The following NLGN1 variants were observed in gnomAD, a reference collection of about 807,000 sequenced individuals.
The protein encoded by NLGN1 is neuroligin-1.
A neutral mutation model predicts 65.5 loss-of-function variants in NLGN1; 12 were observed. The observed-to-expected ratio is 0.18, with a 90% CI of 0.12 to 0.30. The LOEUF is 0.30. NLGN1 is among the 10% of genes least tolerant of loss of function. NLGN1 has a pLI of 1.00. For missense variants in NLGN1, 750 were observed against 1,007.1 expected (o/e 0.74, Z 3.46); for synonymous variants, 350 against 359.5 (o/e 0.97, Z 0.30).
intron 4 of NLGN1, among the ~76,000 whole-genome samples, chr3:173,956,487 G>GA (rs1167024887): frequency 3.3e-5 from 5 of 151,942 alleles, no homozygotes; most frequent in Non-Finnish European, 1.5e-5. Context: ...TTGCTATCAT[G>GA]AAAAATAAAA....
intron 3 of NLGN1, among the ~76,000 whole-genome samples, chr3:173,684,042 A>G (rs1764341906): frequency 6.6e-6 from 1 of 152,126 alleles, no homozygotes; most frequent in African/African-American, 2.4e-5. Context: ...AACTGTGTAA[A>G]CAGTTCACAG....
intron 2 of NLGN1, among the ~76,000 whole-genome samples, chr3:173,550,343 G>A (rs1289155373): frequency 4.6e-5 from 7 of 151,944 alleles, no homozygotes; most frequent in African/African-American, 9.7e-5. Context: ...GATGAATAGC[G>A]TGTTTCGGCA....
chr3:173,833,556 C>G (rs188722328), intron 4 of NLGN1, among the ~76,000 whole-genome samples: 1 of 152,018 alleles, frequency 6.6e-6, no homozygotes, highest in Admixed American at 6.6e-5. Flanking sequence ...TTCCCACTTT[C>G]TTGTCCAGGC....
intron 4 of NLGN1, among the ~76,000 whole-genome samples, chr3:174,131,430 T>C: frequency 6.6e-6 from 1 of 152,162 alleles, no homozygotes; most frequent in East Asian, 1.9e-4. Context: ...TTGTGGATGA[T>C]GAGAAGCCCA....
At chr3:173,525,761 C>G (rs1162599173) in intron 2 of NLGN1, among the ~76,000 whole-genome samples, 1 of 152,014 alleles carries the variant, frequency 6.6e-6, no homozygotes, top group Non-Finnish European at 1.5e-5. Flanking sequence ...CTTATCACTG[C>G]TTTTGCTGTA....
intron 2 of NLGN1, among the ~76,000 whole-genome samples, chr3:173,534,010 TG>T (rs566374340): frequency 2.6e-5 from 4 of 152,174 alleles, no homozygotes; most frequent in African/African-American, 9.6e-5. Context: ...CTTTGGAACA[TG>T]GGCTTTTTAG....
intron 2 of NLGN1, among the ~76,000 whole-genome samples, chr3:173,475,172 A>G (rs1416598446): frequency 6.6e-6 from 1 of 152,202 alleles, no homozygotes; most frequent in East Asian, 1.9e-4. Context: ...TCACCTCTGT[A>G]ATTACTAAAG....
chr3:173,482,312 A>G (rs996173475), intron 2 of NLGN1, among the ~76,000 whole-genome samples: 2 of 151,828 alleles, frequency 1.3e-5, no homozygotes, highest in African/African-American at 4.8e-5. Flanking sequence ...GGACGTCAAC[A>G]TTTCTTTCCA....
rs1755899861 is a variant in NLGN1 at position 173,632,826 on chromosome 3, CCTT to C, written c.493+27736_493+27738del. On this transcript the variant is annotated intron_variant, in intron 3 of 6. Coordinates refer to ENST00000457714, the Ensembl canonical transcript of NLGN1. ...ATAGACAGGATTTTAGAGAAGTCCT[CCTT>C]GAGTAGTGTTTTTTTTTTTGTTTTT... 4.1e-5 allele frequency among the ~76,000 whole-genome samples: 6 copies of C among 145,646 alleles called. No individual in the cohort carries two copies. The South Asian group carries it at 1.3e-3, about 32-fold the overall frequency.
At chr3:173,858,733 A>C (rs1728499368) in intron 4 of NLGN1, among the ~76,000 whole-genome samples, 1 of 152,104 alleles carries the variant, frequency 6.6e-6, no homozygotes, top group Non-Finnish European at 1.5e-5. Flanking sequence ...CTGAGCCTAA[A>C]TGAAATTTTT....
chr3:173,490,977 G>C (rs1042920363), intron 2 of NLGN1, among the ~76,000 whole-genome samples: 2 of 151,818 alleles, frequency 1.3e-5, no homozygotes, highest in African/African-American at 4.9e-5. Context: ...TTGCTTATCA[G>C]CTTAAGGAGA....
At chr3:174,225,767 G>C (rs1187831412) in intron 4 of NLGN1, among the ~76,000 whole-genome samples, 3 of 152,046 alleles carry the variant, frequency 2.0e-5, no homozygotes, top group Non-Finnish European at 4.4e-5. Context: ...TTGCAAGTCA[G>C]AGAAATGCTA....
In NLGN1 at chr3:173,702,910, A is replaced by G. The variant is rs183429609; in HGVS notation, c.493+97819A>G. Among the ~76,000 whole-genome samples the G allele has an allele frequency of 2.1e-3, 323 of 152,310 alleles. 1 individual carries two copies. The highest frequency in any genetic ancestry group is 7.4e-3 in the African/African-American group (309 of 41,566). ...TTTGAGCAATATTACTTGAATGCCA[A>G]TAGTATTATCTTTTATTTCACAAAG... On this transcript the variant is annotated intron_variant, in intron 3 of 6. Coordinates refer to ENST00000457714, the Ensembl canonical transcript of NLGN1.
At chr3:174,148,187 T>C (rs188670707) in intron 4 of NLGN1, among the ~76,000 whole-genome samples, 50 of 152,296 alleles carry the variant, frequency 3.3e-4, no homozygotes, top group African/African-American at 1.2e-3. Flanking sequence ...TGTTGCACTG[T>C]TTTTCTGGTT....
chr3:173,544,572 A>G (rs1739445478), intron 2 of NLGN1, among the ~76,000 whole-genome samples: 1 of 152,152 alleles, frequency 6.6e-6, no homozygotes, highest in Non-Finnish European at 1.5e-5. Context: ...TAATTTGAAA[A>G]AAATCCCTTG....
At chr3:174,144,502 C>T (rs1319589390) in intron 4 of NLGN1, among the ~76,000 whole-genome samples, 1 of 152,212 alleles carries the variant, frequency 6.6e-6, no homozygotes, top group Non-Finnish European at 1.5e-5. Context: ...CTGTCTTCCA[C>T]AACGGCTGAA....
At chr3:173,506,681 C>A (rs1732089358) in intron 2 of NLGN1, among the ~76,000 whole-genome samples, 1 of 152,058 alleles carries the variant, frequency 6.6e-6, no homozygotes, top group African/African-American at 2.4e-5. Context: ...ATATTGTTAA[C>A]AGTATTACTG....
chr3:174,255,906 A>G (rs989426835), intron 4 of NLGN1, among the ~76,000 whole-genome samples: 1 of 151,902 alleles, frequency 6.6e-6, no homozygotes, highest in Non-Finnish European at 1.5e-5. Context: ...TGATCCGCCC[A>G]CCTCGCCCTC....
At chr3:174,208,317 G>A (rs1278170754) in intron 4 of NLGN1, among the ~76,000 whole-genome samples, 2 of 152,134 alleles carry the variant, frequency 1.3e-5, no homozygotes, top group African/African-American at 4.8e-5. Context: ...CAAAGCAAAG[G>A]GCAGGGGTGA....
Sources: allele counts gnomAD v4.1 joint callset (sites outside exome capture counted in the v4.1 genomes callset), GRCh38; gene constraint gnomAD v4.1.1; transcripts MANE v1.5; gene names NCBI Gene and HGNC (gene_info 2026-07-23, HGNC 2026-07-21).